G3BP2: variants seen among roughly 807,000 people sequenced by gnomAD.
G3BP2 encodes the protein G3BP stress granule assembly factor 2.
G3BP2 carries 11 observed loss-of-function variants against 56.7 expected under a neutral mutation model. The ratio of observed to expected loss-of-function variants is 0.19; its 90% CI spans 0.12 to 0.32. The LOEUF (loss-of-function observed/expected upper bound fraction) is 0.32. Among genes scored for constraint, G3BP2 ranks in the 10% least tolerant of loss-of-function variants. The probability of loss-of-function intolerance (pLI) is 1.00; values close to 1 mark genes in which losing one functional copy is unlikely to be tolerated. For synonymous variants in G3BP2, 165 were observed against 191.6 expected (o/e 0.86, Z 1.15); for missense variants, 340 against 610.9 (o/e 0.56, Z 4.67).
intron 3 of G3BP2, among the ~76,000 whole-genome samples, chr4:75,691,967 C>G (rs535983877): frequency 1.3e-5 from 2 of 152,266 alleles, no homozygotes; most frequent in African/African-American, 4.8e-5. Flanking sequence ...AATCTAAATT[C>G]TCTGCCATTT....
chr4:75,673,413 CCCGCCCCCTTTGCCA>C (rs1186565413), upstream of G3BP2: 17 of 1,232,130 alleles, frequency 1.4e-5, no homozygotes, highest in East Asian at 9.5e-5. Context: ...CCACGGACGT[CCCGCCCCCTTTGCCA>C]CCGCCCCCTC....
rs537830127 is a variant in G3BP2 at position 75,713,198 on chromosome 4, C to T, written c.-25+7679G>A. Among the ~76,000 whole-genome samples the T allele has an allele frequency of 2.6e-5, 4 of 152,178 alleles. No individual in the cohort carries two copies. The East Asian group carries it at 7.7e-4, about 29-fold the overall frequency. On this transcript the variant is annotated intron_variant, in intron 3 of 3. Coordinates refer to the G3BP2 transcript ENST00000499709. ...CAAAACAAGAAAATAATTCATTTCC[C>T]AGGCACTCTGGCAGCTAAGAATGGA... is the stretch of plus-strand genomic sequence containing the variant.
chr4:75,701,969 T>C (rs758019595), intron 3 of G3BP2, among the ~76,000 whole-genome samples: 3 of 152,088 alleles, frequency 2.0e-5, no homozygotes, highest in Non-Finnish European at 2.9e-5. Context: ...TATAATTCAA[T>C]TGTTATCAGT....
Position 75,658,833 on chromosome 4 carries a change from T to C in G3BP2, c.177+10A>G, listed in dbSNP as rs1732322875. 1 of 1,540,722 alleles carries C rather than the reference T, an allele frequency of 6.5e-7. No homozygotes were observed. The highest frequency in any genetic ancestry group is 9.0e-7 in the Non-Finnish European group (1 of 1,112,864). ...AAAATTTCTAAACTACATATGAAATTGATACTTACATTTTGGCCATAAACA... is the reference window on the plus strand; with the variant it reads ...AAAATTTCTAAACTACATATGAAATCGATACTTACATTTTGGCCATAAACA... On this transcript the variant is annotated intron_variant, in intron 3 of 11. Transcript: ENST00000359707.
At chr4:75,665,652 AACAAACACACACACACACAC>A (rs1732975302) in intron 1 of G3BP2, among the ~76,000 whole-genome samples, 4 of 61,102 alleles carry the variant, frequency 6.5e-5, no homozygotes, top group African/African-American at 1.4e-4. Flanking sequence ...CAAACACACA[AACAAACACACACACACACAC>A]ACACACACAC....
chr4:75,648,116 G>A (rs571488769), intron 9 of G3BP2, among the ~76,000 whole-genome samples: 9 of 152,096 alleles, frequency 5.9e-5, no homozygotes, highest in African/African-American at 1.2e-4. Flanking sequence ...TTGGGAGGAC[G>A]AGTAGGGCAG....
At chr4:75,660,073 A>C (rs1236164931) in intron 2 of G3BP2, among the ~76,000 whole-genome samples, 1 of 152,212 alleles carries the variant, frequency 6.6e-6, no homozygotes, top group African/African-American at 2.4e-5. Flanking sequence ...TAACAACCTG[A>C]ATTTTCATTA....
upstream of G3BP2, chr4:75,673,590 A>G (rs1233723486): frequency 5.7e-6 from 7 of 1,231,722 alleles, no homozygotes; most frequent in Non-Finnish European, 7.1e-6. Flanking sequence ...TCGCGCCCGG[A>G]AAGCCGGGGA....
chr4:75,689,922 C>A (rs1030763879), intron 3 of G3BP2, among the ~76,000 whole-genome samples: 1 of 152,126 alleles, frequency 6.6e-6, no homozygotes, highest in Non-Finnish European at 1.5e-5. Flanking sequence ...TCAAAGTCAG[C>A]AGTGGGGCAC....
Position 75,704,566 on chromosome 4 carries a change from G to A in G3BP2, c.-25+16311C>T, listed in dbSNP as rs531308924. 2.3e-4 allele frequency among the ~76,000 whole-genome samples: 35 copies of A among 151,928 alleles called. No individual in the cohort carries two copies. In the East Asian group the frequency reaches 2.5e-3, roughly 11 times the overall value. Reference sequence around the variant, plus strand: ...ACTCCTAGGCTCAAGTAATCCTCCCGCCTCGGCCTCCCAAAGTACTAGAAT... The same window carrying A: ...ACTCCTAGGCTCAAGTAATCCTCCCACCTCGGCCTCCCAAAGTACTAGAAT... On this transcript the variant is annotated intron_variant, in intron 3 of 3. Coordinates refer to the G3BP2 transcript ENST00000499709.
At chr4:75,692,248 T>C (rs1480213935) in intron 3 of G3BP2, among the ~76,000 whole-genome samples, 3 of 152,210 alleles carry the variant, frequency 2.0e-5, no homozygotes, top group Non-Finnish European at 2.9e-5. Flanking sequence ...ACCTTGGATT[T>C]GTAGATTGAG....
In G3BP2 at chr4:75,646,369, G is replaced by C. The variant is rs1211466858; in HGVS notation, c.1145C>G (p.Ser382Cys). The stretch of plus-strand genomic sequence containing the variant: ...AATTAAGATTCTCTGAACTGGTTCA[G>C]AGTCATCAAAAACCACAAAACCAAA... ...PNFGFVVFDDSEPVQRILIAK... is the reference protein window; with the variant it reads ...PNFGFVVFDDCEPVQRILIAK... Residue 382 changes from serine (S) to cysteine (C), a missense_variant, in exon 11 of 12, where the codon TCT (serine) becomes TGT (cysteine). By Grantham distance (112) the Ser-to-Cys change is moderately radical (BLOSUM62 -1). Around this residue, in one of 4 missense-constraint regions of G3BP2, gnomAD observed 94 missense variants for 173.8 expected, o/e 0.54. Transcript: ENST00000359707. The C allele has an allele frequency of 6.3e-7, 1 of 1,578,508 alleles. No individual in the cohort carries two copies. The highest frequency in any genetic ancestry group is 8.7e-7 in the Non-Finnish European group (1 of 1,152,694).
intron 3 of G3BP2, among the ~76,000 whole-genome samples, chr4:75,697,273 C>CAAAAAAAAAAAAAAA (rs869037819): frequency 9.0e-4 from 26 of 28,824 alleles, no homozygotes; most frequent in African/African-American, 1.5e-3. Context: ...GACTCTGTCT[C>CAAAAAAAAAAAAAAA]AAAAAAAAAA....
At chr4:75,658,746 A>G in intron 3 of G3BP2, 97 bp downstream of exon 3, 1 of 809,792 alleles carries the variant, frequency 1.2e-6, no homozygotes, top group Non-Finnish European at 2.1e-6. Flanking sequence ...AAGAGAAAGA[A>G]AGAAAGAAAA....
upstream of G3BP2, among the ~76,000 whole-genome samples, chr4:75,677,268 G>T (rs1733908498): frequency 6.6e-6 from 1 of 152,110 alleles, no homozygotes; most frequent in South Asian, 2.1e-4. Context: ...GATGAAGTAG[G>T]TGTATACGAG....
rs1731084451 is a variant in G3BP2 at position 75,644,651 on chromosome 4, C to A, written c.*779G>T. Reference sequence around the variant, plus strand: ...AGGAGTGTGTTGAGCAGCCAGCCATCCCTGTACTGAAGAGGGGCAGGTAGA... The same window carrying A: ...AGGAGTGTGTTGAGCAGCCAGCCATACCTGTACTGAAGAGGGGCAGGTAGA... On this transcript the variant is annotated 3_prime_UTR_variant, in exon 12 of 12. Coordinates refer to ENST00000359707, the MANE Select transcript of G3BP2 (RefSeq NM_203505.3). 1 of 152,552 alleles carries A rather than the reference C, an allele frequency of 6.6e-6. No homozygotes were observed. The highest frequency in any genetic ancestry group is 2.1e-4 in the South Asian group (1 of 4,832). The allele number at this position is 152,552 out of a possible 1,614,324, so 9.4% of individuals were successfully genotyped here. A position where few individuals can be genotyped will look rare whatever the true frequency, so the allele number is the denominator to read the frequency against.
At chr4:75,656,789 A>C (rs1344103996) in intron 5 of G3BP2, 135 bp downstream of exon 5, 2 of 632,524 alleles carry the variant, frequency 3.2e-6, no homozygotes, top group African/African-American at 3.9e-5. Flanking sequence ...CAACAACAAC[A>C]AAACCATGAA....
At chr4:75,684,400 G>A (rs1718486616) in intron 3 of G3BP2, among the ~76,000 whole-genome samples, 1 of 151,162 alleles carries the variant, frequency 6.6e-6, no homozygotes, top group Non-Finnish European at 1.5e-5. Flanking sequence ...GTTAGACTTT[G>A]TCAAAAAATA....
intron 3 of G3BP2, among the ~76,000 whole-genome samples, chr4:75,698,577 T>C (rs1352573699): frequency 6.6e-6 from 1 of 152,144 alleles, no homozygotes; most frequent in Non-Finnish European, 1.5e-5. Context: ...CCTCCTACTC[T>C]CCTAGACAGC....
Sources: gnomAD v4.1 joint callset for allele counts (sites outside exome capture counted in the v4.1 genomes callset) on GRCh38, gnomAD v4.1.1 for gene constraint, gnomAD v4.1.1 regional missense constraint, MANE v1.5 for transcripts, NCBI Gene and HGNC (gene_info 2026-07-23, HGNC 2026-07-21) for gene names.